Variants in FGF12 observed in about 807,000 individuals in gnomAD.
The protein encoded by FGF12 is fibroblast growth factor 12.
FGF12 carries 14 observed loss-of-function variants against 23.6 expected under a neutral mutation model. The observed-to-expected ratio is 0.59, with a 90% CI of 0.39 to 0.93. The LOEUF is 0.93. FGF12 is among the 40% of genes least tolerant of loss of function. The pLI is 0.00. For missense variants in FGF12, 175 were observed against 217.8 expected (o/e 0.80, Z 1.24); for synonymous variants, 62 against 77.3 (o/e 0.80, Z 1.04).
At chr3:192,481,080 T>A (rs1312343909) in intron 2 of FGF12, among the ~76,000 whole-genome samples, 2 of 152,174 alleles carry the variant, frequency 1.3e-5, no homozygotes, top group African/African-American at 4.8e-5. Flanking sequence ...CCCCTCAAAA[T>A]CAAGTAACTA....
At chr3:192,268,389 C>T (rs1443376313) in intron 4 of FGF12, among the ~76,000 whole-genome samples, 1 of 152,132 alleles carries the variant, frequency 6.6e-6, no homozygotes, top group African/African-American at 2.4e-5. Context: ...GGATAGAGAG[C>T]TCTTTTCTTT....
At chr3:192,179,608 C>A (rs906083432) in intron 4 of FGF12, among the ~76,000 whole-genome samples, 3 of 150,860 alleles carry the variant, frequency 2.0e-5, no homozygotes, top group Non-Finnish European at 2.9e-5. Context: ...TACAGCGGCA[C>A]AATCTTTGCT....
intron 3 of FGF12, among the ~76,000 whole-genome samples, chr3:192,359,636 G>T (rs983619085): frequency 9.9e-5 from 15 of 152,088 alleles, no homozygotes; most frequent in Non-Finnish European, 1.6e-4. Context: ...CTTGCCTCTG[G>T]AGCTTGTATT....
At position 192,628,593 on chromosome 3, in the gene FGF12, G is replaced by C. The variant is rs188693487; in HGVS notation, c.13+98588C>G. 4.2e-3 allele frequency among the ~76,000 whole-genome samples: 625 copies of C among 149,560 alleles called. 6 individuals are homozygous for C. The highest frequency in any genetic ancestry group is 0.013 in the African/African-American group (548 of 40,754). On this transcript the variant is annotated intron_variant, in intron 2 of 5. Coordinates refer to ENST00000445105, the MANE Select transcript of FGF12 (RefSeq NM_004113.6). ...ATACATAAATATACAAAGTAAATTC[G>C]GGGCAGCAAATAGATGGAGGACACT... is the stretch of plus-strand genomic sequence containing the variant.
At chr3:192,348,248 T>C (rs1718054263) in intron 3 of FGF12, among the ~76,000 whole-genome samples, 1 of 152,148 alleles carries the variant, frequency 6.6e-6, no homozygotes, top group South Asian at 2.1e-4. Context: ...TCGGTCTCAA[T>C]GTCAAGGGAA....
At chr3:192,423,729 A>T (rs1183868205) in intron 2 of FGF12, among the ~76,000 whole-genome samples, 1 of 152,200 alleles carries the variant, frequency 6.6e-6, no homozygotes, top group Non-Finnish European at 1.5e-5. Context: ...TGATTCTACG[A>T]TCAGTGGTTT....
chr3:192,174,442 G>A (rs957243397), intron 4 of FGF12, among the ~76,000 whole-genome samples: 2 of 152,202 alleles, frequency 1.3e-5, no homozygotes, highest in Non-Finnish European at 2.9e-5. Flanking sequence ...GGGCTATGCA[G>A]AGTCAGAATC....
At chr3:192,395,692 C>T (rs538377684) in intron 2 of FGF12, among the ~76,000 whole-genome samples, 1 of 152,322 alleles carries the variant, frequency 6.6e-6, no homozygotes, top group African/African-American at 2.4e-5. Context: ...GACAGACTAA[C>T]CGCAGACAAC....
At chr3:192,187,886 C>T (rs189703217) in intron 4 of FGF12, among the ~76,000 whole-genome samples, 13 of 152,168 alleles carry the variant, frequency 8.5e-5, no homozygotes, top group Admixed American at 5.2e-4. Flanking sequence ...AAGTTTTCCT[C>T]GACATGGGGG....
chr3:192,494,631 C>G (rs1275538806), intron 2 of FGF12, among the ~76,000 whole-genome samples: 1 of 152,094 alleles, frequency 6.6e-6, no homozygotes, highest in Non-Finnish European at 1.5e-5. Context: ...ATATAATCTC[C>G]TCCTTCCCAC....
Position 192,146,363 on chromosome 3 carries a change from C to T in FGF12, c.428-2236G>A, listed in dbSNP as rs542382119. Among the ~76,000 whole-genome samples, 378 of 151,556 alleles carry T rather than the reference C, an allele frequency of 2.5e-3. 3 individuals are homozygous for T. Among genetic ancestry groups the T allele is most frequent in the Non-Finnish European group, 4.5e-3 (309 of 67,940 alleles). On this transcript the variant is annotated intron_variant, in intron 5 of 5. Coordinates refer to ENST00000445105, the MANE Select transcript of FGF12 (RefSeq NM_004113.6). ...TAGGCTCACTGCAAACTCCGCCTCC[C>T]GGGTTCATGCCATTCTCCTGTCTCA...
intron 2 of FGF12, among the ~76,000 whole-genome samples, chr3:192,571,510 G>C (rs1340060204): frequency 1.3e-5 from 2 of 152,178 alleles, no homozygotes; most frequent in Non-Finnish European, 2.9e-5. Flanking sequence ...GGGGCGGACG[G>C]GACCCACTGC....
chr3:192,536,963 A>G (rs1455608293), intron 2 of FGF12, among the ~76,000 whole-genome samples: 1 of 151,938 alleles, frequency 6.6e-6, no homozygotes, highest in East Asian at 1.9e-4. Context: ...TACACTTCCT[A>G]GCCTCTGGTA....
chr3:192,393,655 C>T lies in FGF12; in HGVS notation c.14-33117G>A, dbSNP rs527531797. Among the ~76,000 whole-genome samples the T allele has an allele frequency of 5.3e-5, 8 of 152,202 alleles. No homozygotes were observed. The East Asian group carries it at 1.4e-3, about 26-fold the overall frequency. On this transcript the variant is annotated intron_variant, in intron 2 of 5. Transcript: ENST00000445105. ...GAAAAAGGTCAAATACCAATCACAC[C>T]TATGGAAATAGATAATGTGGATAAT...
intron 5 of FGF12, among the ~76,000 whole-genome samples, chr3:192,167,186 C>T (rs1047568956): frequency 1.4e-5 from 2 of 142,472 alleles, no homozygotes; most frequent in Non-Finnish European, 3.1e-5. Context: ...AAAAAAAAGA[C>T]TACATTCTTA....
At chr3:192,619,471 T>C (rs1229992929) in intron 2 of FGF12, among the ~76,000 whole-genome samples, 2 of 152,190 alleles carry the variant, frequency 1.3e-5, no homozygotes, top group Admixed American at 6.5e-5. Context: ...TCAGTCGCTC[T>C]AGCCAAGCTT....
At position 192,508,085 on chromosome 3, in the gene FGF12, T is replaced by A. The variant is rs542988183; in HGVS notation, c.14-147547A>T. On this transcript the variant is annotated intron_variant, in intron 2 of 5. Transcript: ENST00000445105. Reference sequence around the variant, plus strand: ...GTCACTAAGTTTTATTTAAAGACCATGCAATCGCATCCCAGCTGGCTTCAT... The same window carrying A: ...GTCACTAAGTTTTATTTAAAGACCAAGCAATCGCATCCCAGCTGGCTTCAT... Among the ~76,000 whole-genome samples the A allele has an allele frequency of 6.6e-5, 10 of 152,302 alleles. No individual in the cohort carries two copies. The South Asian group carries it at 2.1e-3, about 32-fold the overall frequency.
chr3:192,659,874 A>C (rs961149879), intron 2 of FGF12, among the ~76,000 whole-genome samples: 5 of 151,954 alleles, frequency 3.3e-5, no homozygotes, highest in African/African-American at 7.3e-5. Context: ...TGTGGTTTTG[A>C]TTTGCATTTC....
intron 4 of FGF12, among the ~76,000 whole-genome samples, chr3:192,266,626 G>T (rs1442920719): frequency 6.6e-6 from 1 of 151,998 alleles, no homozygotes; most frequent in African/African-American, 2.4e-5. Flanking sequence ...AGTCAAAAGA[G>T]GCATTTAGTG....
Sources: gnomAD v4.1 joint callset for allele counts (sites outside exome capture counted in the v4.1 genomes callset) on GRCh38, gnomAD v4.1.1 for gene constraint, MANE v1.5 for transcripts, NCBI Gene and HGNC (gene_info 2026-07-23, HGNC 2026-07-21) for gene names.